The following FBN1 variants were observed in gnomAD, a reference collection of about 807,000 sequenced individuals.
FBN1 encodes fibrillin-1.
Under a neutral mutation model 365.1 loss-of-function variants are expected in FBN1, and 29 were observed. The observed-to-expected ratio is 0.08, with a 90% CI of 0.06 to 0.11. The LOEUF (loss-of-function observed/expected upper bound fraction) is 0.11. Ranked by LOEUF, FBN1 falls within the 10% of genes least tolerant of loss-of-function variation. The pLI is 1.00. For missense variants in FBN1, 2,476 were observed against 3,703.2 expected (o/e 0.67, Z 8.60); for synonymous variants, 1,210 against 1,270.5 (o/e 0.95, Z 1.01).
intron 31 of FBN1, among the ~76,000 whole-genome samples, chr15:48,483,307 G>A (rs1011236987): frequency 1.4e-4 from 22 of 152,234 alleles, no homozygotes; most frequent in African/African-American, 4.1e-4. Context: ...TACCCAAGTC[G>A]AACTTTTAGA....
At position 48,553,875 on chromosome 15, in the gene FBN1, G is replaced by A. The variant is rs528305495; in HGVS notation, c.539-16067C>T. On this transcript the variant is annotated intron_variant, in intron 6 of 65. Coordinates refer to ENST00000316623, the MANE Select transcript of FBN1 (RefSeq NM_000138.5). The stretch of plus-strand genomic sequence containing the variant: ...TTTTAGAATTGGAAGGAAACTTATA[G>A]AAGAAGAAAAAGAAAATGAGCATTT... Among the ~76,000 whole-genome samples the A allele has an allele frequency of 2.0e-5, 3 of 151,636 alleles. No homozygotes were observed. In the South Asian group the frequency reaches 6.2e-4, roughly 31 times the overall value.
chr15:48,644,419 A>C, intron 2 of FBN1, 187 bp downstream of exon 2: 1 of 761,110 alleles, frequency 1.3e-6, no homozygotes, highest in East Asian at 2.5e-5. Context: ...TTGGGGCAGA[A>C]ATCTCTGGGA....
At chr15:48,562,971 C>T (rs184836702) in intron 6 of FBN1, among the ~76,000 whole-genome samples, 1 of 152,140 alleles carries the variant, frequency 6.6e-6, no homozygotes, top group Non-Finnish European at 1.5e-5. Flanking sequence ...TTTGTAAAGT[C>T]CTTTAGAGGA....
intron 6 of FBN1, among the ~76,000 whole-genome samples, chr15:48,579,912 A>T (rs1458123311): frequency 1.3e-5 from 2 of 152,232 alleles, no homozygotes; most frequent in East Asian, 3.8e-4. Flanking sequence ...AAGTTAACAA[A>T]GGAGTCTATT....
intron 2 of FBN1, among the ~76,000 whole-genome samples, chr15:48,636,178 G>A (rs1367175639): frequency 6.6e-6 from 1 of 152,140 alleles, no homozygotes; most frequent in East Asian, 1.9e-4. Flanking sequence ...GCGATTCCAG[G>A]CTAAGTTTGA....
intron 17 of FBN1, among the ~76,000 whole-genome samples, chr15:48,502,953 C>T (rs1208519422): frequency 6.6e-6 from 1 of 152,130 alleles, no homozygotes; most frequent in Admixed American, 6.5e-5. Context: ...GGCCATGTCA[C>T]TTCAACTGGA....
chr15:48,584,254 C>G (rs894731524), intron 6 of FBN1, among the ~76,000 whole-genome samples: 1 of 152,122 alleles, frequency 6.6e-6, no homozygotes, highest in African/African-American at 2.4e-5. Context: ...GATTAGGAAA[C>G]TGTGCCTGAG....
chr15:48,421,526 C>T lies in FBN1; in HGVS notation c.7699+32G>A, dbSNP rs759260647. 3.0e-5 allele frequency: 48 copies of T among 1,607,652 alleles called. 1 individual carries two copies. The South Asian group carries it at 4.8e-4, about 16-fold the overall frequency. On this transcript the variant is annotated intron_variant, in intron 62 of 65. Coordinates refer to ENST00000316623, the MANE Select transcript of FBN1 (RefSeq NM_000138.5). ...CACAGGCCACCTCCACAAGGATTCA[C>T]CAGCTGGATCGCAGCTGAAGTCTCC...
intron 34 of FBN1, 96 bp from the exon 35 acceptor site, chr15:48,472,772 T>C: frequency 1.3e-6 from 2 of 1,551,126 alleles, no homozygotes; most frequent in Non-Finnish European, 1.8e-6. Flanking sequence ...TGTTTTGGCA[T>C]AACTTCAATT....
At position 48,515,438 on chromosome 15, in the gene FBN1, G is replaced by A. The variant is rs767068276; in HGVS notation, c.1417C>T (p.Arg473Trp). ...GRCIPTPGSY[R>W]CECNKGFQLD... ...TGGAACCCTTTGTTGCACTCACACCGGTAACTCCCAGGAGTTGGAATGCAG... is the reference window on the plus strand; with the variant it reads ...TGGAACCCTTTGTTGCACTCACACCAGTAACTCCCAGGAGTTGGAATGCAG... Residue 473 changes from arginine to tryptophan, a missense_variant, in exon 12 of 66, where the codon CGG (arginine) becomes TGG (tryptophan). Arg to Trp is a moderately radical substitution (Grantham distance 101). Coordinates refer to ENST00000316623, the MANE Select transcript of FBN1 (RefSeq NM_000138.5). 8 of 1,613,824 alleles carry A rather than the reference G, an allele frequency of 5.0e-6. No individual in the cohort carries two copies. In the Admixed American group the frequency reaches 1.0e-4, roughly 20 times the overall value.
intron 6 of FBN1, among the ~76,000 whole-genome samples, chr15:48,581,887 GAC>G (rs2044394914): frequency 6.6e-6 from 1 of 152,122 alleles, no homozygotes; most frequent in African/African-American, 2.4e-5. Flanking sequence ...CTCATTCCTA[GAC>G]ACCTGCCTTA....
chr15:48,555,926 GGGTTT>G (rs2044176669), intron 6 of FBN1, among the ~76,000 whole-genome samples: 1 of 151,950 alleles, frequency 6.6e-6, no homozygotes, highest in Non-Finnish European at 1.5e-5. Context: ...TTTCTAATGG[GGGTTT>G]CTGAAAGAAA....
rs116727739 is a variant in FBN1 at position 48,464,090 on chromosome 15, T to C, written c.4943-69A>G. On this transcript the variant is annotated intron_variant, in intron 40 of 65. Coordinates refer to ENST00000316623, the MANE Select transcript of FBN1 (RefSeq NM_000138.5). ...CATTTTGGAATGGCCTGATACTTAA[T>C]GAATGTTGACATTAGAGGAGAAAAT... 16,622 of 1,483,226 alleles carry C rather than the reference T, an allele frequency of 0.011. 132 individuals carry two copies. Among genetic ancestry groups the C allele is most frequent in the African/African-American group, 0.04 (2,886 of 72,398 alleles). The allele number at this position is 1,483,226 out of a possible 1,614,324, so 91.9% of individuals were successfully genotyped here.
At chr15:48,455,335 G>A (rs1272597779) in intron 44 of FBN1, among the ~76,000 whole-genome samples, 4 of 152,182 alleles carry the variant, frequency 2.6e-5, no homozygotes, top group African/African-American at 9.7e-5. Flanking sequence ...GTGGTCATGG[G>A]TGGTCTTGTC....
chr15:48,466,204 TTA>T (rs1292543401), intron 38 of FBN1, among the ~76,000 whole-genome samples: 1 of 152,232 alleles, frequency 6.6e-6, no homozygotes, highest in Non-Finnish European at 1.5e-5. Flanking sequence ...ATCTTCATTT[TTA>T]TGTTCTGTTC....
chr15:48,459,319 G>A (rs1310978744), intron 43 of FBN1, among the ~76,000 whole-genome samples: 5 of 152,214 alleles, frequency 3.3e-5, no homozygotes, highest in Admixed American at 3.3e-4. Context: ...CCATGCCAAT[G>A]TCATTTAGCA....
chr15:48,427,809 G>A (rs754884372), intron 57 of FBN1, 36 bp from the exon 58 acceptor site: 1 of 1,585,058 alleles, frequency 6.3e-7, no homozygotes, highest in South Asian at 1.1e-5. Flanking sequence ...GGGATGTCAG[G>A]AAATTTTAAG....
At chr15:48,610,316 T>C (rs1183617973) in intron 4 of FBN1, among the ~76,000 whole-genome samples, 3 of 152,202 alleles carry the variant, frequency 2.0e-5, no homozygotes, top group Non-Finnish European at 4.4e-5. Flanking sequence ...AGCAGGGGTC[T>C]TGAGTCTTAA....
intron 64 of FBN1, among the ~76,000 whole-genome samples, chr15:48,413,995 G>C (rs1287424188): frequency 6.6e-6 from 1 of 152,144 alleles, no homozygotes; most frequent in Non-Finnish European, 1.5e-5. Flanking sequence ...GGGTGTGTGC[G>C]CATGCGTATA....
Sources: gnomAD v4.1 joint callset for allele counts (sites outside exome capture counted in the v4.1 genomes callset) on GRCh38, gnomAD v4.1.1 for gene constraint, MANE v1.5 for transcripts, NCBI Gene and HGNC (gene_info 2026-07-23, HGNC 2026-07-21) for gene names.